SEC61A2: variants seen among roughly 807,000 people sequenced by gnomAD.
SEC61A2 encodes SEC61 translocon subunit alpha 2.
A neutral mutation model predicts 59.9 loss-of-function variants in SEC61A2; 28 were observed. The ratio of observed to expected loss-of-function variants is 0.47; its 90% confidence interval spans 0.35 to 0.64. SEC61A2 has a LOEUF of 0.64. SEC61A2 is among the 30% of genes least tolerant of loss of function. The probability of loss-of-function intolerance (pLI) is 0.01; values close to 1 mark genes in which losing one functional copy is unlikely to be tolerated. For missense variants in SEC61A2, 340 were observed against 585.9 expected, an observed-to-expected ratio of 0.58 and a Z score of 4.33; for synonymous variants, 202 against 214.4, an observed-to-expected ratio of 0.94 and a Z score of 0.50.
intron 2 of SEC61A2, among the ~76,000 whole-genome samples, chr10:12,134,142 G>T (rs1449939510): frequency 5.9e-5 from 9 of 152,198 alleles, no homozygotes; most frequent in Non-Finnish European, 1.3e-4. Flanking sequence ...GAGTAGCTGG[G>T]ACTACAGGCG....
downstream of SEC61A2, among the ~76,000 whole-genome samples, chr10:12,168,570 G>A (rs1007526386): frequency 1.3e-5 from 2 of 152,110 alleles, no homozygotes; most frequent in African/African-American, 4.8e-5. The surrounding 1 kb of genome is among the most constrained non-coding windows in gnomAD (Gnocchi z 4.8). Context: ...TATTACCACA[G>A]GCTTTCATTA....
rs1331513714 is a variant in SEC61A2, at chr10:12,165,343, A to G, written c.*889A>G. On this transcript the variant is annotated 3_prime_UTR_variant, in exon 12 of 12. Coordinates refer to ENST00000298428, the MANE Select transcript of SEC61A2 (RefSeq NM_018144.4). ...GCAACATGAGTGTAAACAGTAGACA[A>G]TAAACTTTTATTTAAGAAAACTGAT... The G allele has an allele frequency of 1.0e-6, 1 of 981,830 alleles. No individual in the cohort carries two copies. Among genetic ancestry groups the G allele is most frequent in the African/African-American group, 1.7e-5 (1 of 57,156 alleles). 60.8% of individuals were successfully genotyped at this position (981,830 alleles called of 1,614,324 possible).
rs988362078 is a variant in SEC61A2 at position 12,135,881 on chromosome 10, G to A, written c.76-224G>A. Among the ~76,000 whole-genome samples the A allele has an allele frequency of 2.4e-4, 36 of 152,182 alleles. 1 individual carries two copies. Among genetic ancestry groups the A allele is most frequent in the Non-Finnish European group, 4.7e-4 (32 of 68,038 alleles). On this transcript the variant is annotated intron_variant, in intron 2 of 11. Transcript: ENST00000298428. ...CAGTCATCAAGAAGCATCTGTGCAT[G>A]TGTGTCTGTATATATGTGTGCGTGT...
rs78860988 is a variant in SEC61A2 at position 12,136,023 on chromosome 10, A to C, written c.76-82A>C. On this transcript the variant is annotated intron_variant, in intron 2 of 11. Coordinates refer to ENST00000298428, the MANE Select transcript of SEC61A2 (RefSeq NM_018144.4). ...AATTTCTGTGAATTAGGCCCCAAAGAATAACCTCAAAACTCTGCTGCCCCC... is the reference window on the plus strand; with the variant it reads ...AATTTCTGTGAATTAGGCCCCAAAGCATAACCTCAAAACTCTGCTGCCCCC... 1.0e-5 allele frequency: 9 copies of C among 863,322 alleles called. No individual in the cohort carries two copies. The Admixed American group carries it at 1.6e-4, about 16-fold the overall frequency. 53.5% of individuals were successfully genotyped at this position (863,322 alleles called of 1,614,324 possible). A position where few individuals can be genotyped will look rare whatever the true frequency, so the allele number is the denominator to read the frequency against.
At chr10:12,150,386 G>A (rs1834245231) in intron 6 of SEC61A2, among the ~76,000 whole-genome samples, 1 of 152,230 alleles carries the variant, frequency 6.6e-6, no homozygotes, top group South Asian at 2.1e-4. Flanking sequence ...AGGTCATGCT[G>A]ACCTTAGTTG....
In SEC61A2 at chr10:12,143,685, A is replaced by C. The variant is rs1190836944; in HGVS notation, c.220+490A>C. Among the ~76,000 whole-genome samples, 3 of 152,096 alleles carry C rather than the reference A, an allele frequency of 2.0e-5. No individual in the cohort carries two copies. The highest frequency in any genetic ancestry group is 4.4e-5 in the Non-Finnish European group (3 of 68,016). On this transcript the variant is annotated intron_variant, in intron 4 of 11. Coordinates refer to ENST00000298428, the MANE Select transcript of SEC61A2 (RefSeq NM_018144.4). This position sits in a 1 kb window ranked among gnomAD's most constrained non-coding sequence, Gnocchi z 4.8. ...GAGATGGAGGTTGCAGTGAACTAAG[A>C]TCGCACCACTGCAATCCAGCCTGGG... is the stretch of plus-strand genomic sequence containing the variant.
chr10:12,142,456 G>T lies in SEC61A2; in HGVS notation c.142-661G>T. ...AGATTGAGTAAGCATAATTTTTAGT[G>T]GCCATGTAATATTCCATTGTGGATA... On this transcript the variant is annotated intron_variant, in intron 3 of 11. Transcript: ENST00000298428. The surrounding 1 kb of genome is among the most constrained non-coding windows in gnomAD (Gnocchi z 5.4). The T allele has an allele frequency of 1.2e-6, 1 of 807,798 alleles. No individual in the cohort carries two copies. The highest frequency in any genetic ancestry group is 1.5e-6 in the Non-Finnish European group (1 of 667,898). The allele number at this position is 807,798 out of a possible 1,614,324, so 50.0% of individuals were successfully genotyped here. A position where few individuals can be genotyped will look rare whatever the true frequency, so the allele number is the denominator to read the frequency against.
At chr10:12,141,417 C>G (rs530313214) in intron 3 of SEC61A2, among the ~76,000 whole-genome samples, 1 of 152,286 alleles carries the variant, frequency 6.6e-6, no homozygotes, top group South Asian at 2.1e-4. Context: ...ATGTCTTTGT[C>G]TAATCCCCAC....
At chr10:12,132,988 C>A (rs1440983346) in intron 1 of SEC61A2, among the ~76,000 whole-genome samples, 1 of 152,142 alleles carries the variant, frequency 6.6e-6, no homozygotes, top group Non-Finnish European at 1.5e-5. Flanking sequence ...GAAGAAAGTT[C>A]TGGAAAAAGG....
chr10:12,141,919 C>G (rs998679848), intron 3 of SEC61A2, among the ~76,000 whole-genome samples: 4 of 152,136 alleles, frequency 2.6e-5, no homozygotes, highest in African/African-American at 7.2e-5. Flanking sequence ...ATGAGGGAGA[C>G]AAATCCAGTT....
Position 12,154,053 on chromosome 10 carries a change from C to T in SEC61A2, c.463-1725C>T, listed in dbSNP as rs867335218. ...ACAAAACTAAGTTGTGTGTAGGTGT[C>T]GTGCAGGGTTAAAATGTTAAGTGCC... is the stretch of plus-strand genomic sequence containing the variant. On this transcript the variant is annotated intron_variant, in intron 6 of 11. Coordinates refer to ENST00000298428, the MANE Select transcript of SEC61A2 (RefSeq NM_018144.4). The surrounding 1 kb of genome is among the most constrained non-coding windows in gnomAD (Gnocchi z 5.2). Among the ~76,000 whole-genome samples, 2 of 152,032 alleles carry T rather than the reference C, an allele frequency of 1.3e-5. No individual in the cohort carries two copies. Among genetic ancestry groups the T allele is most frequent in the East Asian group, 1.9e-4 (1 of 5,184 alleles).
intron 4 of SEC61A2, among the ~76,000 whole-genome samples, chr10:12,148,262 T>TTTA (rs1429285044): frequency 1.6e-3 from 191 of 116,966 alleles, no homozygotes; most frequent in African/African-American, 5.6e-3. Flanking sequence ...TTTTTTTTTT[T>TTTA]AAGACAGAAT....
Position 12,143,782 on chromosome 10 carries a change from A to G in SEC61A2, c.220+587A>G, listed in dbSNP as rs1834078646. Among the ~76,000 whole-genome samples the G allele has an allele frequency of 6.6e-6, 1 of 152,082 alleles. No individual in the cohort carries two copies. The highest frequency in any genetic ancestry group is 1.5e-5 in the Non-Finnish European group (1 of 68,006). On this transcript the variant is annotated intron_variant, in intron 4 of 11. Transcript: ENST00000298428. The surrounding 1 kb of genome is among the most constrained non-coding windows in gnomAD (Gnocchi z 4.8). ...TGAGCCAATCGGGGAGCTCAGCTGG[A>G]GCTGAGCCTGAAGCCTCAAGCAGCA... is the stretch of plus-strand genomic sequence containing the variant.
At chr10:12,141,827 A>C (rs1834027110) in intron 3 of SEC61A2, among the ~76,000 whole-genome samples, 1 of 152,172 alleles carries the variant, frequency 6.6e-6, no homozygotes, top group Non-Finnish European at 1.5e-5. Flanking sequence ...TCTGGCCTCT[A>C]CTAGCCATCA....
downstream of SEC61A2, chr10:12,167,396 C>A: frequency 3.6e-6 from 1 of 279,120 alleles, no homozygotes; most frequent in South Asian, 4.0e-5. Flanking sequence ...ACAAATACCC[C>A]TGTCTACCAG....
At position 12,156,598 on chromosome 10, in the gene SEC61A2, C is replaced by G. The variant is rs1328400243; in HGVS notation, c.617-309C>G. ...TATTTTTCCTAAAAACACTCTCTCC[C>G]TTCCCTGAAGTAGAGGAGAGGCAAA... On this transcript the variant is annotated intron_variant, in intron 7 of 11. Transcript: ENST00000298428. This position sits in a 1 kb window ranked among gnomAD's most constrained non-coding sequence, Gnocchi z 5.2. 1.3e-5 allele frequency among the ~76,000 whole-genome samples: 2 copies of G among 152,234 alleles called. No individual in the cohort carries two copies. The highest frequency in any genetic ancestry group is 1.3e-4 in the Admixed American group (2 of 15,282).
At chr10:12,139,475 C>A (rs1305513716) in intron 3 of SEC61A2, among the ~76,000 whole-genome samples, 2 of 150,652 alleles carry the variant, frequency 1.3e-5, no homozygotes, top group African/African-American at 4.9e-5. Flanking sequence ...CATGGAGAAA[C>A]CCCGTCTCTA....
At chr10:12,147,561 A>G (rs1834170175) in intron 4 of SEC61A2, among the ~76,000 whole-genome samples, 1 of 151,990 alleles carries the variant, frequency 6.6e-6, no homozygotes, top group African/African-American at 2.4e-5. Flanking sequence ...GGCTTACGCC[A>G]GTAATCTCAG....
At position 12,129,714 on chromosome 10, in the gene SEC61A2, G is replaced by T; in HGVS notation, c.-74G>T. 7.0e-7 allele frequency: 1 copy of T among 1,424,880 alleles called. No individual in the cohort carries two copies. The highest frequency in any genetic ancestry group is 9.3e-7 in the Non-Finnish European group (1 of 1,071,266). 88.3% of individuals were successfully genotyped at this position (1,424,880 alleles called of 1,614,324 possible). On this transcript the variant is annotated 5_prime_UTR_variant, in exon 1 of 12. It adds an upstream start codon to the 5' untranslated region. Coordinates refer to ENST00000298428, the MANE Select transcript of SEC61A2 (RefSeq NM_018144.4). The surrounding 1 kb of genome is among the most constrained non-coding windows in gnomAD (Gnocchi z 5.6). ...GGATCGCGTCGGGAGCCGGTACCGA[G>T]GCCCGAGCCGCGGGAGTCGAGCGAA... is the stretch of plus-strand genomic sequence containing the variant.
Sources: allele counts gnomAD v4.1 joint callset (sites outside exome capture counted in the v4.1 genomes callset), GRCh38; gene constraint gnomAD v4.1.1; non-coding constraint Gnocchi (gnomAD v3.1); transcripts MANE v1.5; gene names NCBI Gene and HGNC (gene_info 2026-07-23, HGNC 2026-07-21).